Variants in SLC71A2 observed in about 807,000 individuals in gnomAD.
SLC71A2 encodes solute carrier family 71 member 2, also known as hippocampus abundant transcript-like 1.
At chr9:94,449,851 G>T in the SLC71A2 span, among the ~76,000 whole-genome samples, 118 of 152,282 alleles carry the variant, frequency 7.7e-4, no homozygotes, top group African/African-American at 2.6e-3. Flanking sequence ...TAACAAATAT[G>T]CCTATACATT....
chr9:94,395,413 A>T, the SLC71A2 span, among the ~76,000 whole-genome samples: 1 of 148,228 alleles, frequency 6.7e-6, no homozygotes, highest in Non-Finnish European at 1.5e-5. Context: ...CCTATACATG[A>T]TGTATTTGAT....
At chr9:94,375,228 C>T in the SLC71A2 span, among the ~76,000 whole-genome samples, 1 of 151,882 alleles carries the variant, frequency 6.6e-6, no homozygotes, top group Non-Finnish European at 1.5e-5. Context: ...TAACAGTTTT[C>T]CTGGCGCAGT....
the SLC71A2 span, among the ~76,000 whole-genome samples, chr9:94,405,044 A>G: frequency 0.023 from 3,419 of 151,872 alleles, 133 homozygotes; most frequent in African/African-American, 0.078. Context: ...ATCCAACTTC[A>G]TTCTTTTTAA....
chr9:94,452,678 CAT>C, the SLC71A2 span, among the ~76,000 whole-genome samples: 1 of 47,592 alleles, frequency 2.1e-5, no homozygotes, highest in Non-Finnish European at 4.4e-5. Flanking sequence ...CATATATATT[CAT>C]ATATTCATAT....
At chr9:94,455,378 A>ATTTTTTTTTTT in the SLC71A2 span, among the ~76,000 whole-genome samples, 35 of 85,782 alleles carry the variant, frequency 4.1e-4, no homozygotes, top group Non-Finnish European at 5.2e-4. Flanking sequence ...TAATATTCTG[A>ATTTTTTTTTTT]TTTTTTTTTT....
At chr9:94,445,024 G>A in the SLC71A2 span, 31 of 1,614,052 alleles carry the variant, frequency 1.9e-5, no homozygotes, top group African/African-American at 4.0e-5. Flanking sequence ...ATATCTTTCT[G>A]CCAGTTACGG....
At chr9:94,392,817 A>G in the SLC71A2 span, among the ~76,000 whole-genome samples, 27 of 149,706 alleles carry the variant, frequency 1.8e-4, no homozygotes. Flanking sequence ...ATTTTAAGTT[A>G]AGATTACACA....
At chr9:94,457,073 C>T in the SLC71A2 span, among the ~76,000 whole-genome samples, 1 of 151,468 alleles carries the variant, frequency 6.6e-6, no homozygotes, top group Non-Finnish European at 1.5e-5. Flanking sequence ...CTCAAGTGAT[C>T]TCCCAGTCAC....
the SLC71A2 span, among the ~76,000 whole-genome samples, chr9:94,447,481 G>A: frequency 1.0e-5 from 1 of 98,376 alleles, no homozygotes; most frequent in African/African-American, 3.3e-5. Flanking sequence ...TGCCCAGCCT[G>A]TTTTTTTTTT....
the SLC71A2 span, among the ~76,000 whole-genome samples, chr9:94,402,666 C>A: frequency 6.6e-6 from 1 of 152,088 alleles, no homozygotes; most frequent in Non-Finnish European, 1.5e-5. Context: ...ATTCACTTAC[C>A]AGTGTCTTTT....
At chr9:94,436,142 GTTC>G in the SLC71A2 span, among the ~76,000 whole-genome samples, 6 of 152,008 alleles carry the variant, frequency 3.9e-5, no homozygotes, top group Admixed American at 6.6e-5. Context: ...TTATTGTTGT[GTTC>G]TTATTTTTAA....
chr9:94,400,509 GAAAA>G, the SLC71A2 span, among the ~76,000 whole-genome samples: 1 of 130,120 alleles, frequency 7.7e-6, no homozygotes, highest in Non-Finnish European at 1.6e-5. Context: ...AGTCTTAAAG[GAAAA>G]AAAAAAAACA....
the SLC71A2 span, among the ~76,000 whole-genome samples, chr9:94,394,982 T>C: frequency 6.9e-4 from 74 of 107,314 alleles, no homozygotes; most frequent in African/African-American, 2.6e-3. Flanking sequence ...GGCGTGATCT[T>C]GGCTCACTGC....
chr9:94,425,007 A>G, the SLC71A2 span, among the ~76,000 whole-genome samples: 2 of 151,472 alleles, frequency 1.3e-5, no homozygotes, highest in Non-Finnish European at 2.9e-5. Context: ...GAGACTGTCC[A>G]GATATCTTGT....
chr9:94,447,148 G>A, the SLC71A2 span, among the ~76,000 whole-genome samples: 356 of 151,908 alleles, frequency 2.3e-3, 1 homozygote, highest in African/African-American at 8.2e-3. Flanking sequence ...TTTTTTTCTT[G>A]AGAATTAACC....
At chr9:94,397,048 G>A in the SLC71A2 span, among the ~76,000 whole-genome samples, 1 of 152,292 alleles carries the variant, frequency 6.6e-6, no homozygotes, top group Admixed American at 6.5e-5. Flanking sequence ...GGGATTATAG[G>A]CGTGAGCCAC....
chr9:94,434,545 G>A, the SLC71A2 span, among the ~76,000 whole-genome samples: 1 of 152,040 alleles, frequency 6.6e-6, no homozygotes, highest in Non-Finnish European at 1.5e-5. Context: ...TCAAACTCTT[G>A]ACCTCGTGAT....
the SLC71A2 span, among the ~76,000 whole-genome samples, chr9:94,428,761 C>G: frequency 4.6e-5 from 7 of 151,990 alleles, no homozygotes. Context: ...CATGTATCCA[C>G]CATCATAGTA....
At chr9:94,436,559 C>G in the SLC71A2 span, among the ~76,000 whole-genome samples, 2 of 152,146 alleles carry the variant, frequency 1.3e-5, no homozygotes, top group African/African-American at 4.8e-5. Flanking sequence ...CGAGGAAGCT[C>G]TCTTCTTTCA....
Sources: allele counts gnomAD v4.1 joint callset (sites outside exome capture counted in the v4.1 genomes callset), GRCh38; gene constraint gnomAD v4.1.1; transcripts MANE v1.5; gene names NCBI Gene and HGNC (gene_info 2026-07-23, HGNC 2026-07-21).